The following CCDC91 variants were observed in gnomAD, a reference collection of about 807,000 sequenced individuals.
The protein encoded by CCDC91 is coiled-coil domain-containing protein 91.
CCDC91 carries 48 observed loss-of-function variants against 63.2 expected under a neutral mutation model. The observed-to-expected ratio is 0.76, with a 90% confidence interval of 0.60 to 0.97. The LOEUF (loss-of-function observed/expected upper bound fraction) is 0.97, where lower values mean the gene tolerates loss of function less well. Among genes scored for constraint, CCDC91 ranks in the 50% least tolerant of loss-of-function variants. The pLI, the probability that CCDC91 is intolerant of heterozygous loss-of-function variation, is 0.00. For synonymous variants in CCDC91, 167 were observed against 165.8 expected, an observed-to-expected ratio of 1.01 and a Z score of -0.06; for missense variants, 500 against 494.6, an observed-to-expected ratio of 1.01 and a Z score of -0.10.
chr12:28,224,791 A>G (rs1036830545), intron 1 of CCDC91, among the ~76,000 whole-genome samples: 4 of 152,220 alleles, frequency 2.6e-5, no homozygotes, highest in Non-Finnish European at 5.9e-5. Flanking sequence ...TTTGTAGGAA[A>G]AAGCTTAATG....
At chr12:28,491,861 TTG>T (rs35451448) in intron 12 of CCDC91, among the ~76,000 whole-genome samples, 2,592 of 145,164 alleles carry the variant, frequency 0.018, 42 homozygotes, top group South Asian at 0.093. Context: ...GTCAAAAATT[TTG>T]TGTGTGTGTG....
chr12:28,353,990 C>G (rs780855307), intron 6 of CCDC91, among the ~76,000 whole-genome samples: 1 of 152,076 alleles, frequency 6.6e-6, no homozygotes, highest in Non-Finnish European at 1.5e-5. Context: ...ACAGTAAACC[C>G]CCATGACCCA....
intron 1 of CCDC91, among the ~76,000 whole-genome samples, chr12:28,250,953 A>AGTGTGT (rs3064712): frequency 3.4e-4 from 50 of 145,544 alleles, no homozygotes; most frequent in Middle Eastern, 3.5e-3. Context: ...TTAAGGTTTG[A>AGTGTGT]GTGTGTGTGT....
rs187686499 is a variant in CCDC91 at position 28,378,245 on chromosome 12, T to C, written c.655-13059T>C. 5.1e-3 allele frequency among the ~76,000 whole-genome samples: 772 copies of C among 152,202 alleles called. 4 individuals are homozygous for C. The highest frequency in any genetic ancestry group is 8.0e-3 in the Non-Finnish European group (545 of 67,948). ...TTGTGCATTTTCTGAAAAGGTCAGA[T>C]ATATGCTAAATACTTTTTGTTAAGG... On this transcript the variant is annotated intron_variant, in intron 7 of 12. Transcript: ENST00000536442.
intron 8 of CCDC91, among the ~76,000 whole-genome samples, chr12:28,406,162 G>T (rs1426858085): frequency 1.3e-5 from 2 of 152,020 alleles, no homozygotes; most frequent in African/African-American, 4.8e-5. Context: ...TGTGCATGGT[G>T]ATGGTTTGCT....
At chr12:28,522,866 C>G (rs1419885159) in intron 12 of CCDC91, among the ~76,000 whole-genome samples, 1 of 152,122 alleles carries the variant, frequency 6.6e-6, no homozygotes, top group Non-Finnish European at 1.5e-5. Flanking sequence ...TGTTCAGTTT[C>G]CATGTAGTTG....
intron 6 of CCDC91, among the ~76,000 whole-genome samples, chr12:28,331,263 C>T (rs561289610): frequency 1.4e-4 from 21 of 152,286 alleles, no homozygotes; most frequent in Middle Eastern, 6.8e-3. Context: ...ACAATCTTAA[C>T]GCCATGCTTG....
chr12:28,448,704 A>C lies in CCDC91; in HGVS notation c.763-1457A>C, dbSNP rs114754184. On this transcript the variant is annotated intron_variant, in intron 8 of 12. Coordinates refer to ENST00000536442, the MANE Select transcript of CCDC91 (RefSeq NM_018318.5). Reference sequence around the variant, plus strand: ...TTCTAAGTTATTAATAACTCCAAAAATTTTATTCTGTATTTTAATTCTAAA... The same window carrying C: ...TTCTAAGTTATTAATAACTCCAAAACTTTTATTCTGTATTTTAATTCTAAA... Among the ~76,000 whole-genome samples the C allele has an allele frequency of 4.5e-3, 691 of 152,130 alleles. 8 individuals are homozygous for C. The highest frequency in any genetic ancestry group is 0.014 in the African/African-American group (582 of 41,550).
In CCDC91 at chr12:28,366,724, T is replaced by A. The variant is rs185235645; in HGVS notation, c.654+4209T>A. 1.9e-3 allele frequency among the ~76,000 whole-genome samples: 293 copies of A among 152,204 alleles called. 2 individuals carry two copies. Among genetic ancestry groups the A allele is most frequent in the Non-Finnish European group, 3.6e-3 (243 of 67,996 alleles). The stretch of plus-strand genomic sequence containing the variant: ...TGTTGGGAAGGTATCAAGGGATACC[T>A]AATGGGAATCAAGACTGTCATTTCT... On this transcript the variant is annotated intron_variant, in intron 7 of 12. Coordinates refer to ENST00000536442, the MANE Select transcript of CCDC91 (RefSeq NM_018318.5).
chr12:28,452,537 T>A lies in CCDC91; in HGVS notation c.984T>A (p.Asn328Lys), dbSNP rs753756381. The change falls in exon 11 of 13, where the codon AAT (asparagine) becomes AAA (lysine). Residue 328 changes from asparagine to lysine, a missense_variant. By Grantham distance (94) the Asn-to-Lys change is moderately conservative (BLOSUM62 0). Transcript: ENST00000536442. ...AAGTCGTAGAAGAAGAAAGAAAAAATTTAGAAAAAGCGCATGCTGAAGAAA... is the reference window on the plus strand; with the variant it reads ...AAGTCGTAGAAGAAGAAAGAAAAAAATTAGAAAAAGCGCATGCTGAAGAAA... ...VLKVVEEERK[N>K]LEKAHAEERE... 1 of 1,588,426 alleles carries A rather than the reference T, an allele frequency of 6.3e-7. No homozygotes were observed. Among genetic ancestry groups the A allele is most frequent in the Non-Finnish European group, 8.6e-7 (1 of 1,168,312 alleles).
intron 7 of CCDC91, among the ~76,000 whole-genome samples, chr12:28,384,569 T>A (rs1945484496): frequency 1.3e-5 from 2 of 152,110 alleles, no homozygotes; most frequent in Admixed American, 6.6e-5. Context: ...CCTAGAACAG[T>A]GTTTAGGAAA....
At chr12:28,439,001 A>G (rs1415249465) in intron 8 of CCDC91, among the ~76,000 whole-genome samples, 1 of 152,202 alleles carries the variant, frequency 6.6e-6, no homozygotes, top group Non-Finnish European at 1.5e-5. Context: ...ATATAGAGAC[A>G]TCATATGAAA....
At chr12:28,304,375 TAAAAAAAAAAAA>T (rs777296414) in intron 3 of CCDC91, among the ~76,000 whole-genome samples, 1,292 of 73,550 alleles carry the variant, frequency 0.018, 14 homozygotes, top group Non-Finnish European at 0.025. Flanking sequence ...AGACTCCGTC[TAAAAAAAAAAAA>T]AAAAAAAAAA....
chr12:28,386,588 C>T (rs1440689273), intron 7 of CCDC91, among the ~76,000 whole-genome samples: 3 of 152,058 alleles, frequency 2.0e-5, no homozygotes, highest in South Asian at 2.1e-4. Flanking sequence ...AGGCTGGTCT[C>T]GAACTGCCAA....
chr12:28,315,450 G>A (rs73083954), intron 6 of CCDC91, among the ~76,000 whole-genome samples: 1,841 of 152,046 alleles, frequency 0.012, 11 homozygotes, highest in Middle Eastern at 0.017. Context: ...ACAGGCATGA[G>A]CACCATACCT....
chr12:28,452,036 A>AAAT (rs1565995583), intron 10 of CCDC91, among the ~76,000 whole-genome samples: 2 of 132,040 alleles, frequency 1.5e-5, no homozygotes, highest in African/African-American at 6.0e-5. Flanking sequence ...TAATTTTAGA[A>AAAT]AGTAGTTTTT....
rs1942083208 is a variant in CCDC91, at chr12:28,337,578, A to G, written c.577-24860A>G. Among the ~76,000 whole-genome samples, 3 of 151,622 alleles carry G rather than the reference A, an allele frequency of 2.0e-5. No homozygotes were observed. In the South Asian group the frequency reaches 6.2e-4, roughly 31 times the overall value. On this transcript the variant is annotated intron_variant, in intron 6 of 12. Transcript: ENST00000536442. ...TACGGTTATTTGAAGAGGAATTATC[A>G]TAGGATGGAAATACATACTTTAAAT... is the stretch of plus-strand genomic sequence containing the variant.
chr12:28,281,760 G>A (rs1432773614), intron 3 of CCDC91, among the ~76,000 whole-genome samples: 1 of 152,134 alleles, frequency 6.6e-6, no homozygotes, highest in Admixed American at 6.6e-5. Context: ...AAAAGGGAAT[G>A]ATTTTAACCC....
intron 8 of CCDC91, among the ~76,000 whole-genome samples, chr12:28,408,085 T>C (rs1947081637): frequency 1.3e-5 from 2 of 152,006 alleles, no homozygotes; most frequent in South Asian, 4.1e-4. Flanking sequence ...TCATCTAAGT[T>C]TTAAGCCTCA....
Sources: allele counts gnomAD v4.1 joint callset (sites outside exome capture counted in the v4.1 genomes callset), GRCh38; gene constraint gnomAD v4.1.1; transcripts MANE v1.5; gene names NCBI Gene and HGNC (gene_info 2026-07-23, HGNC 2026-07-21).